Variants in MSX1 observed in about 807,000 individuals in gnomAD.
MSX1 encodes the protein msh homeobox 1, also known as homeobox protein MSX-1.
Under a neutral mutation model 17.0 loss-of-function variants are expected in MSX1, and 11 were observed. The observed-to-expected ratio is 0.65, with a 90% CI of 0.41 to 1.07. The LOEUF (loss-of-function observed/expected upper bound fraction) is 1.07, where lower values mean the gene tolerates loss of function less well. Ranked by LOEUF, MSX1 falls within the 50% of genes least tolerant of loss-of-function variation. The pLI, the probability that MSX1 is intolerant of heterozygous loss-of-function variation, is 0.00. For synonymous variants in MSX1, 253 were observed against 211.8 expected, an observed-to-expected ratio of 1.19 and a Z score of -1.69; for missense variants, 477 against 440.1, an observed-to-expected ratio of 1.08 and a Z score of -0.75.
At chr4:4,862,624 T>C in intron 1 of MSX1, 77 bp from the exon 2 acceptor site, 1 of 1,533,298 alleles carries the variant, frequency 6.5e-7, no homozygotes, top group African/African-American at 1.4e-5. Flanking sequence ...GTTTGGCTAT[T>C]ATTACTACTT....
Position 4,862,515 on chromosome 4 carries a change from C to G in MSX1, c.470-186C>G, listed in dbSNP as rs576593000. ...TTGCAAAAAGTAGACAGGAACTTCT[C>G]CCCTGCGGGGTTGCAATGGGAATTG... On this transcript the variant is annotated intron_variant, in intron 1 of 1. Coordinates refer to ENST00000382723, the MANE Select transcript of MSX1 (RefSeq NM_002448.3). 6.4e-6 allele frequency: 5 copies of G among 777,364 alleles called. No individual in the cohort carries two copies. The East Asian group carries it at 7.8e-5, about 12-fold the overall frequency. The allele number at this position is 777,364 out of a possible 1,614,324, so 48.2% of individuals were successfully genotyped here. A position where few individuals can be genotyped will look rare whatever the true frequency, so the allele number is the denominator to read the frequency against.
chr4:4,859,927 T>G lies in MSX1; in HGVS notation c.28T>G (p.Leu10Val). Residue 10 changes from leucine to valine, a missense_variant, in exon 1 of 2, where the codon TTG (leucine) becomes GTG (valine). Leu to Val is a conservative substitution (Grantham distance 32, BLOSUM62 1). Around this residue, in one of 3 missense-constraint regions of MSX1, gnomAD observed 355 missense variants for 306.1 expected, o/e 1.16. Transcript: ENST00000382723. MAPAADMTSLPLGVKVEDSA... is the reference protein window; with the variant it reads MAPAADMTSVPLGVKVEDSA... The stretch of plus-strand genomic sequence containing the variant: ...GGCCCCGGCTGCTGACATGACTTCT[T>G]TGCCACTCGGTGTCAAAGTGGAGGA... 1 of 1,497,682 alleles carries G rather than the reference T, an allele frequency of 6.7e-7. No homozygotes were observed. The highest frequency in any genetic ancestry group is 8.9e-7 in the Non-Finnish European group (1 of 1,124,194). The allele number at this position is 1,497,682 out of a possible 1,614,324, so 92.8% of individuals were successfully genotyped here. A position where few individuals can be genotyped will look rare whatever the true frequency, so the allele number is the denominator to read the frequency against.
Position 4,863,354 on chromosome 4 carries a change from T to TACGGCGACGACC in MSX1, c.*211_*212insACGGCGACGACC. 1 of 374,032 alleles carries TACGGCGACGACC rather than the reference T, an allele frequency of 2.7e-6. No homozygotes were observed. Among genetic ancestry groups the TACGGCGACGACC allele is most frequent in the Non-Finnish European group, 4.7e-6 (1 of 213,060 alleles). The allele number at this position is 374,032 out of a possible 1,614,324, so 23.2% of individuals were successfully genotyped here. ...GAGTCCCTTAGTACTCTTCTAGCAT[T>TACGGCGACGACC]TAGATCTACACTCTCGAGTTAAAGA... On this transcript the variant is annotated 3_prime_UTR_variant, in exon 2 of 2. Coordinates refer to ENST00000382723, the MANE Select transcript of MSX1 (RefSeq NM_002448.3).
Position 4,863,213 on chromosome 4 carries a change from C to A in MSX1, c.*70C>A. 2.0e-6 allele frequency: 3 copies of A among 1,486,436 alleles called. No individual in the cohort carries two copies. The highest frequency in any genetic ancestry group is 2.7e-6 in the Non-Finnish European group (3 of 1,102,302). The allele number at this position is 1,486,436 out of a possible 1,614,324, so 92.1% of individuals were successfully genotyped here. A position where few individuals can be genotyped will look rare whatever the true frequency, so the allele number is the denominator to read the frequency against. The stretch of plus-strand genomic sequence containing the variant: ...CCTGGTGCTGTACCCCCGACGTGCT[C>A]CCCTGCTCGGCACCGCCAGCCGCCT... On this transcript the variant is annotated 3_prime_UTR_variant, in exon 2 of 2. Coordinates refer to ENST00000382723, the MANE Select transcript of MSX1 (RefSeq NM_002448.3).
At position 4,859,871 on chromosome 4, in the gene MSX1, C is replaced by T. The variant is rs1357090434; in HGVS notation, c.-29C>T. The stretch of plus-strand genomic sequence containing the variant: ...GCCCATGCCCGGCGGCTGGCCAGTG[C>T]TGCGGCAGAAGGGGGGGCCCGGCTC... On this transcript the variant is annotated 5_prime_UTR_variant, in exon 1 of 2. Coordinates refer to ENST00000382723, the MANE Select transcript of MSX1 (RefSeq NM_002448.3). 6.8e-7 allele frequency: 1 copy of T among 1,467,104 alleles called. No homozygotes were observed. Among genetic ancestry groups the T allele is most frequent in the Non-Finnish European group, 9.0e-7 (1 of 1,107,652 alleles). 90.9% of individuals were successfully genotyped at this position (1,467,104 alleles called of 1,614,324 possible).
chr4:4,863,153 G>C lies in MSX1; in HGVS notation c.*10G>C, dbSNP rs972365982. The C allele has an allele frequency of 8.8e-6, 14 of 1,588,626 alleles. No homozygotes were observed. The highest frequency in any genetic ancestry group is 1.2e-5 in the Non-Finnish European group (14 of 1,174,156). On this transcript the variant is annotated 3_prime_UTR_variant, in exon 2 of 2. Coordinates refer to ENST00000382723, the MANE Select transcript of MSX1 (RefSeq NM_002448.3). ...GTACCACCTGACATAGAGGGTCCCA[G>C]GTCGCCCACCTGTGGGCCAGCCGAT...
chr4:4,862,074 A>C (rs1373708407), intron 1 of MSX1, among the ~76,000 whole-genome samples: 4 of 152,216 alleles, frequency 2.6e-5, no homozygotes, highest in African/African-American at 4.8e-5. Context: ...GGCTGGCCAC[A>C]GTGCACCCTC....
rs761553379 is a variant in MSX1, at chr4:4,860,033, C to A, written c.134C>A (p.Ala45Glu). ...AAAATAAAMG[A>E]DEEGAKPKVS... ...GCGGCCACGGCAGCCGCCATGGGCG[C>A]GGACGAGGAGGGGGCCAAGCCCAAA... The change falls in exon 1 of 2, where the codon GCG (alanine) becomes GAG (glutamate). Residue 45 changes from alanine to glutamate, a missense_variant. This residue lies in a region of MSX1 where 355 missense variants were observed against 306.1 expected (regional missense o/e 1.16). Transcript: ENST00000382723. 5.6e-5 allele frequency: 85 copies of A among 1,507,024 alleles called. No homozygotes were observed. Among genetic ancestry groups the A allele is most frequent in the Admixed American group, 1.3e-4 (6 of 45,480 alleles). 93.4% of individuals were successfully genotyped at this position (1,507,024 alleles called of 1,614,324 possible). A position where few individuals can be genotyped will look rare whatever the true frequency, so the allele number is the denominator to read the frequency against.
Position 4,860,190 on chromosome 4 carries a change from C to T in MSX1, c.291C>T (p.Gly97=), listed in dbSNP as rs955818288. 1 of 1,516,906 alleles carries T rather than the reference C, an allele frequency of 6.6e-7. No homozygotes were observed. The highest frequency in any genetic ancestry group is 8.8e-7 in the Non-Finnish European group (1 of 1,139,032). The allele number at this position is 1,516,906 out of a possible 1,614,324, so 94.0% of individuals were successfully genotyped here. The change falls in exon 1 of 2, where the codon GGC becomes GGT. Residue 97 remains glycine (G), a synonymous_variant. Transcript: ENST00000382723. ...QAAGGSAQPL[G]VPPGSLGAPD... Reference sequence around the variant, plus strand: ...CGGGTGGCTCGGCGCAGCCACTGGGCGTCCCGCCGGGGTCGCTGGGAGCCC... The same window carrying T: ...CGGGTGGCTCGGCGCAGCCACTGGGTGTCCCGCCGGGGTCGCTGGGAGCCC...
In MSX1 at chr4:4,863,777, A is replaced by T. The variant is rs1026309542; in HGVS notation, c.*634A>T. The T allele has an allele frequency of 6.6e-6, 1 of 151,882 alleles. No homozygotes were observed. The highest frequency in any genetic ancestry group is 1.5e-5 in the Non-Finnish European group (1 of 67,900). The allele number at this position is 151,882 out of a possible 1,614,324, so 9.4% of individuals were successfully genotyped here. ...GAAACACAATTGTAAAATTAAAAAAAAAAAAAAACTCTTTCTATTTAACAG... is the reference window on the plus strand; with the variant it reads ...GAAACACAATTGTAAAATTAAAAAATAAAAAAAACTCTTTCTATTTAACAG... On this transcript the variant is annotated 3_prime_UTR_variant, in exon 2 of 2. Coordinates refer to ENST00000382723, the MANE Select transcript of MSX1 (RefSeq NM_002448.3).
In MSX1 at chr4:4,859,941, C is replaced by G. The variant is rs1225376281; in HGVS notation, c.42C>G (p.Val14=). The G allele has an allele frequency of 1.3e-6, 2 of 1,496,194 alleles. No homozygotes were observed. The highest frequency in any genetic ancestry group is 1.8e-6 in the Non-Finnish European group (2 of 1,123,458). 92.7% of individuals were successfully genotyped at this position (1,496,194 alleles called of 1,614,324 possible). Residue 14 remains valine, a synonymous_variant, in exon 1 of 2, where the codon GTC becomes GTG. Coordinates refer to ENST00000382723, the MANE Select transcript of MSX1 (RefSeq NM_002448.3). ...ACATGACTTCTTTGCCACTCGGTGT[C>G]AAAGTGGAGGACTCCGCCTTCGGCA... ...AADMTSLPLG[V]KVEDSAFGKP... is the part of the protein sequence containing the mutation.
Position 4,860,316 on chromosome 4 carries a change from G to T in MSX1, c.417G>T (p.Lys139Asn). The T allele has an allele frequency of 6.2e-7, 1 of 1,603,648 alleles. No individual in the cohort carries two copies. The change falls in exon 1 of 2, where the codon AAG becomes AAT. Residue 139 changes from lysine to asparagine, a missense_variant. This residue lies in a region of MSX1 where 355 missense variants were observed against 306.1 expected (regional missense o/e 1.16). Coordinates refer to ENST00000382723, the MANE Select transcript of MSX1 (RefSeq NM_002448.3). ...TCGTCAAAGCCGAGAGCCCCGAGAA[G>T]CCCGAGAGGACCCCGTGGATGCAGA... ...DALVKAESPE[K>N]PERTPWMQSP...
rs966018790 is a variant in MSX1, at chr4:4,863,684, T to G, written c.*541T>G. 6.7e-6 allele frequency: 1 copy of G among 149,604 alleles called. No individual in the cohort carries two copies. The highest frequency in any genetic ancestry group is 6.7e-5 in the Admixed American group (1 of 14,902). 9.3% of individuals were successfully genotyped at this position (149,604 alleles called of 1,614,324 possible). A position where few individuals can be genotyped will look rare whatever the true frequency, so the allele number is the denominator to read the frequency against. On this transcript the variant is annotated 3_prime_UTR_variant, in exon 2 of 2. Transcript: ENST00000382723. ...AAGTTCAACAACAAAACATTTGCTC[T>G]GGGGGGCAGGGAAAACACAGATGTG...
At position 4,859,758 on chromosome 4, in the gene MSX1, G is replaced by A; in HGVS notation, c.-142G>A. 2.1e-6 allele frequency: 1 copy of A among 485,146 alleles called. No homozygotes were observed. Among genetic ancestry groups the A allele is most frequent in the Non-Finnish European group, 2.9e-6 (1 of 342,038 alleles). 30.1% of individuals were successfully genotyped at this position (485,146 alleles called of 1,614,324 possible). On this transcript the variant is annotated 5_prime_UTR_variant, in exon 1 of 2. Transcript: ENST00000382723. ...CAGCACGCCGGAGCTGGCCTGCTGG[G>A]GAGGGGCGGGAGGCGCGCGCGGGAG... is the stretch of plus-strand genomic sequence containing the variant.
chr4:4,862,960 G>A lies in MSX1; in HGVS notation c.729G>A (p.Lys243=), dbSNP rs1169194928. Residue 243 remains lysine, a synonymous_variant, in exon 2 of 2, where the codon AAG becomes AAA. Coordinates refer to ENST00000382723, the MANE Select transcript of MSX1 (RefSeq NM_002448.3). ...TGGAGAAGCTGAAGATGGCCGCCAAGCCCATGCTGCCACCGGCTGCCTTCG... is the reference window on the plus strand; with the variant it reads ...TGGAGAAGCTGAAGATGGCCGCCAAACCCATGCTGCCACCGGCTGCCTTCG... The part of the protein sequence containing the change: ...AELEKLKMAA[K]PMLPPAAFGL... 6.2e-7 allele frequency: 1 copy of A among 1,613,218 alleles called. No individual in the cohort carries two copies. The highest frequency in any genetic ancestry group is 1.3e-5 in the African/African-American group (1 of 75,064).
In MSX1 at chr4:4,862,757, C is replaced by T; in HGVS notation, c.526C>T (p.Arg176Trp). ...CAAACACAAGACGAACCGTAAGCCG[C>T]GGACGCCCTTCACCACCGCGCAGCT... The part of the protein sequence containing the change: ...LRKHKTNRKP[R>W]TPFTTAQLLA... The change falls in exon 2 of 2, where the codon CGG becomes TGG. Residue 176 changes from arginine (R) to tryptophan (W), a missense_variant. By Grantham distance (101) the Arg-to-Trp change is moderately radical (BLOSUM62 -3). This residue lies in a region of MSX1 where 355 missense variants were observed against 306.1 expected (regional missense o/e 1.16). Transcript: ENST00000382723. 1 of 1,613,508 alleles carries T rather than the reference C, an allele frequency of 6.2e-7. No individual in the cohort carries two copies. The highest frequency in any genetic ancestry group is 8.5e-7 in the Non-Finnish European group (1 of 1,180,022).
chr4:4,863,927 G>A lies in MSX1; in HGVS notation c.*784G>A, dbSNP rs1379397464. 6.6e-6 allele frequency: 1 copy of A among 152,262 alleles called. No homozygotes were observed. The highest frequency in any genetic ancestry group is 1.5e-5 in the Non-Finnish European group (1 of 67,998). The allele number at this position is 152,262 out of a possible 1,614,324, so 9.4% of individuals were successfully genotyped here. On this transcript the variant is annotated 3_prime_UTR_variant, in exon 2 of 2. Transcript: ENST00000382723. Reference sequence around the variant, plus strand: ...TATTTGTTAAATAAATTAATTTTAAGCTACAAAAATTATCTCTTTACTGAT... The same window carrying A: ...TATTTGTTAAATAAATTAATTTTAAACTACAAAAATTATCTCTTTACTGAT...
In MSX1 at chr4:4,860,107, C is replaced by T. The variant is rs866933489; in HGVS notation, c.208C>T (p.His70Tyr). The T allele has an allele frequency of 6.6e-7, 1 of 1,517,642 alleles. No individual in the cohort carries two copies. Among genetic ancestry groups the T allele is most frequent in the Non-Finnish European group, 8.8e-7 (1 of 1,136,684 alleles). The allele number at this position is 1,517,642 out of a possible 1,614,324, so 94.0% of individuals were successfully genotyped here. ...CAGCGTGGAGGCGCTCATGGCCGAC[C>T]ACAGGAAGCCGGGGGCCAAGGAGAG... Reference protein sequence around the residue: ...PFSVEALMADHRKPGAKESAL... With the variant: ...PFSVEALMADYRKPGAKESAL... Residue 70 changes from histidine (H) to tyrosine (Y), a missense_variant, in exon 1 of 2, where the codon CAC becomes TAC. Physicochemically the swap from His to Tyr is moderately conservative, Grantham distance 83. Transcript: ENST00000382723.
In MSX1 at chr4:4,862,699, A is replaced by G; in HGVS notation, c.470-2A>G. Reference sequence around the variant, plus strand: ...TTGCTTTTTTTTTCTTTCGGCCCTCAGGGCGGCTGAGCCCCCCAGCCTGCA... The same window carrying G: ...TTGCTTTTTTTTTCTTTCGGCCCTCGGGGCGGCTGAGCCCCCCAGCCTGCA... On this transcript the variant is annotated splice_acceptor_variant, in intron 1 of 1. Coordinates refer to ENST00000382723, the MANE Select transcript of MSX1 (RefSeq NM_002448.3). LOFTEE classifies it high-confidence loss of function. The G allele has an allele frequency of 6.2e-7, 1 of 1,612,006 alleles. No homozygotes were observed. Among genetic ancestry groups the G allele is most frequent in the Non-Finnish European group, 8.5e-7 (1 of 1,179,946 alleles).
Sources: allele counts gnomAD v4.1 joint callset (sites outside exome capture counted in the v4.1 genomes callset), GRCh38; gene constraint gnomAD v4.1.1; regional missense constraint gnomAD v4.1.1; transcripts MANE v1.5; gene names NCBI Gene and HGNC (gene_info 2026-07-23, HGNC 2026-07-21).